SYT16: variants seen among roughly 807,000 people sequenced by gnomAD.
SYT16 encodes synaptotagmin-16.
Under a neutral mutation model 61.4 loss-of-function variants are expected in SYT16, and 42 were observed. The ratio of observed to expected loss-of-function variants is 0.68; its 90% confidence interval spans 0.53 to 0.89. The LOEUF (loss-of-function observed/expected upper bound fraction) is 0.89, where lower values mean the gene tolerates loss of function less well. Among genes scored for constraint, SYT16 ranks in the 40% least tolerant of loss-of-function variants. The probability of loss-of-function intolerance (pLI) is 0.00; values close to 1 mark genes in which losing one functional copy is unlikely to be tolerated. For missense variants in SYT16, 804 were observed against 807.3 expected, an observed-to-expected ratio of 1.00 and a Z score of 0.05; for synonymous variants, 314 against 302.3, an observed-to-expected ratio of 1.04 and a Z score of -0.40.
intron 7 of SYT16, among the ~76,000 whole-genome samples, chr14:62,094,642 C>T (rs537314991): frequency 6.6e-6 from 1 of 152,076 alleles, no homozygotes; most frequent in South Asian, 2.1e-4. Flanking sequence ...CGTTCCAGTT[C>T]AGGTTAGTAA....
chr14:61,924,139 T>C (rs947583784), intron 1 of SYT16, among the ~76,000 whole-genome samples: 2 of 152,178 alleles, frequency 1.3e-5, no homozygotes, highest in African/African-American at 4.8e-5. Context: ...TAAATGACTG[T>C]TTTTGATGAA....
In SYT16 at chr14:62,016,539, CAAAAAAAAA is replaced by C. The variant is rs10610233; in HGVS notation, c.523+20013_523+20021del. On this transcript the variant is annotated intron_variant, in intron 3 of 7. Coordinates refer to ENST00000683842, the MANE Select transcript of SYT16 (RefSeq NM_001367656.1). ...TGAAACCCTGTCTCTTCTAAAAATACAAAAAAAAAAAAAAAAAAAAAAAATTAGCCGGGC... is the reference window on the plus strand; with the variant it reads ...TGAAACCCTGTCTCTTCTAAAAATACAAAAAAAAAAAAAAATTAGCCGGGC... Among the ~76,000 whole-genome samples, 858 of 97,286 alleles carry C rather than the reference CAAAAAAAAA, an allele frequency of 8.8e-3. 4 individuals carry two copies. Among genetic ancestry groups the C allele is most frequent in the South Asian group, 0.016 (44 of 2,798 alleles). The allele number at this position is 97,286 out of a possible 152,430, so 63.8% of individuals were successfully genotyped here. A position where few individuals can be genotyped will look rare whatever the true frequency, so the allele number is the denominator to read the frequency against.
chr14:61,987,517 T>G (rs187657862), intron 2 of SYT16, among the ~76,000 whole-genome samples: 27 of 152,294 alleles, frequency 1.8e-4, no homozygotes, highest in African/African-American at 6.5e-4. Flanking sequence ...TGGACTCAAG[T>G]ATTACCTGTT....
intron 3 of SYT16, among the ~76,000 whole-genome samples, chr14:62,054,400 A>G (rs1236328561): frequency 7.2e-6 from 1 of 138,772 alleles, no homozygotes; most frequent in African/African-American, 2.7e-5. Context: ...TCACCCTGTC[A>G]TCCAGGCTGG....
intron 3 of SYT16, among the ~76,000 whole-genome samples, chr14:62,021,949 T>G (rs1428148930): frequency 2.0e-5 from 3 of 152,150 alleles, no homozygotes; most frequent in Non-Finnish European, 4.4e-5. Context: ...GCTCCTGTCT[T>G]TTCTTAAATT....
chr14:61,900,143 TC>T (rs1447597926), intron 1 of SYT16, among the ~76,000 whole-genome samples: 1 of 144,280 alleles, frequency 6.9e-6, no homozygotes, highest in African/African-American at 2.6e-5. Context: ...GCAGTAAGCA[TC>T]CTCTAAATTT....
chr14:61,965,568 T>C (rs181073081), intron 1 of SYT16, among the ~76,000 whole-genome samples: 229 of 152,278 alleles, frequency 1.5e-3, no homozygotes, highest in Non-Finnish European at 2.8e-3. Flanking sequence ...AGACCATATC[T>C]TAACTGTTTG....
At position 62,000,099 on chromosome 14, in the gene SYT16, A is replaced by ATTTTTT; in HGVS notation, c.523+3581_523+3586dup. ...TTTCTAATACTTATTTTGTCTCTCG[A>ATTTTTT]TTTTTTTTTTTTTTTTTTTTTTTTT... On this transcript the variant is annotated intron_variant, in intron 3 of 7. Coordinates refer to ENST00000683842, the MANE Select transcript of SYT16 (RefSeq NM_001367656.1). Among the ~76,000 whole-genome samples the ATTTTTT allele has an allele frequency of 6.1e-3, 115 of 18,842 alleles. 10 individuals carry two copies. Among genetic ancestry groups the ATTTTTT allele is most frequent in the African/African-American group, 0.014 (50 of 3,468 alleles). The allele number at this position is 18,842 out of a possible 152,430, so 12.4% of individuals were successfully genotyped here.
At chr14:61,832,391 C>T in intron 1 of SYT16, 1 of 534,484 alleles carries the variant, frequency 1.9e-6, no homozygotes, top group Non-Finnish European at 3.7e-6. Flanking sequence ...TGCCCCACCA[C>T]CGCCGCCCTC....
intron 1 of SYT16, among the ~76,000 whole-genome samples, chr14:61,885,224 T>C (rs2140325873): frequency 6.6e-6 from 1 of 152,322 alleles, no homozygotes; most frequent in South Asian, 2.1e-4. Flanking sequence ...ATTCTAAACT[T>C]GATTCAGCTG....
intron 3 of SYT16, among the ~76,000 whole-genome samples, chr14:62,024,229 G>A (rs533829390): frequency 2.6e-5 from 4 of 152,104 alleles, no homozygotes; most frequent in East Asian, 3.9e-4. Flanking sequence ...TTCATCTACC[G>A]CAGGAATTCT....
chr14:61,885,964 A>ATT (rs561369300), intron 1 of SYT16, among the ~76,000 whole-genome samples: 16 of 138,036 alleles, frequency 1.2e-4, no homozygotes, highest in East Asian at 2.1e-4. Flanking sequence ...GGCTGTGGCA[A>ATT]TTTTTTTTTT....
chr14:62,029,790 AAAGT>A (rs2054244777), intron 3 of SYT16, among the ~76,000 whole-genome samples: 1 of 152,000 alleles, frequency 6.6e-6, no homozygotes, highest in South Asian at 2.1e-4. Flanking sequence ...GAAAAAAAAA[AAAGT>A]AGTAGGAGGA....
chr14:61,945,404 T>C (rs2050382746), intron 1 of SYT16, among the ~76,000 whole-genome samples: 1 of 152,234 alleles, frequency 6.6e-6, no homozygotes, highest in South Asian at 2.1e-4. Context: ...CAAAGGATTA[T>C]AAATCATTGT....
At chr14:61,833,298 T>TC (rs200961354) in intron 1 of SYT16, among the ~76,000 whole-genome samples, 2,853 of 150,568 alleles carry the variant, frequency 0.019, 68 homozygotes, top group African/African-American at 0.047. Flanking sequence ...TTCTTTTCTT[T>TC]TTTTTTTTTT....
At chr14:61,844,963 T>C in intron 1 of SYT16, among the ~76,000 whole-genome samples, 1 of 151,986 alleles carries the variant, frequency 6.6e-6, no homozygotes. Flanking sequence ...GTAGGATTGG[T>C]ATTGGTTCTC....
chr14:62,087,060 G>A (rs972755482), intron 7 of SYT16, among the ~76,000 whole-genome samples: 7 of 152,134 alleles, frequency 4.6e-5, no homozygotes, highest in African/African-American at 1.2e-4. Context: ...GGATGTCGAC[G>A]GCCTTGGTTT....
rs2045954016 is a variant in SYT16 at position 61,832,032 on chromosome 14, A to C, written c.-325+19222A>C. 7.2e-6 allele frequency: 5 copies of C among 695,522 alleles called. No individual in the cohort carries two copies. The Admixed American group carries it at 8.0e-5, about 11-fold the overall frequency. The allele number at this position is 695,522 out of a possible 1,614,324, so 43.1% of individuals were successfully genotyped here. A position where few individuals can be genotyped will look rare whatever the true frequency, so the allele number is the denominator to read the frequency against. Reference sequence around the variant, plus strand: ...CTCCCAGATGATAATGAACGCCGTGAAGCCAAGGAAGAACATGGCAGCGCC... The same window carrying C: ...CTCCCAGATGATAATGAACGCCGTGCAGCCAAGGAAGAACATGGCAGCGCC... On this transcript the variant is annotated intron_variant, in intron 1 of 7. Coordinates refer to ENST00000683842, the MANE Select transcript of SYT16 (RefSeq NM_001367656.1).
chr14:61,845,307 A>C (rs1317580180), intron 1 of SYT16, among the ~76,000 whole-genome samples: 1 of 152,116 alleles, frequency 6.6e-6, no homozygotes, highest in Non-Finnish European at 1.5e-5. Flanking sequence ...TCAGCCTCCC[A>C]AAGTGCTGGG....
Sources: gnomAD v4.1 joint callset for allele counts (sites outside exome capture counted in the v4.1 genomes callset) on GRCh38, gnomAD v4.1.1 for gene constraint, MANE v1.5 for transcripts, NCBI Gene and HGNC (gene_info 2026-07-23, HGNC 2026-07-21) for gene names.